CUBN: variants seen among roughly 807,000 people sequenced by gnomAD.
CUBN encodes cubilin, also known as 460 kDa receptor.
In CUBN, 282 loss-of-function variants were observed where a neutral mutation model predicts 405.3. That is an observed-to-expected ratio of 0.70 (90% confidence interval 0.63 to 0.77). The LOEUF (loss-of-function observed/expected upper bound fraction) is 0.77. Ranked by LOEUF, CUBN falls within the 30% of genes least tolerant of loss-of-function variation. CUBN has a pLI of 0.00. For missense variants in CUBN, 4,514 were observed against 4,475.2 expected, an observed-to-expected ratio of 1.01 and a Z score of -0.25; for synonymous variants, 1,684 against 1,617.0, an observed-to-expected ratio of 1.04 and a Z score of -0.99.
At position 17,114,155 on chromosome 10, in the gene CUBN, A is replaced by C; in HGVS notation, c.755T>G (p.Met252Arg). ...KYSCVCDAGW[M>R]FSPNSPACTL... The stretch of plus-strand genomic sequence containing the variant: ...GCAGGCAGGGCTGTTGGGTGAAAAC[A>C]TCCACCCAGCATCACAGACGCAGCT... The change falls in exon 8 of 67, where the codon ATG becomes AGG. Residue 252 changes from methionine to arginine, a missense_variant. Physicochemically the swap from Met to Arg is moderately conservative, Grantham distance 91. Transcript: ENST00000377833. 2 of 1,613,764 alleles carry C rather than the reference A, an allele frequency of 1.2e-6. No individual in the cohort carries two copies. Among genetic ancestry groups the C allele is most frequent in the Non-Finnish European group, 8.5e-7 (1 of 1,179,854 alleles).
chr10:17,105,522 G>C lies in CUBN; in HGVS notation c.1165C>G (p.Pro389Ala), dbSNP rs1801224. The change falls in exon 11 of 67, where the codon CCA becomes GCA. Residue 389 changes from proline (P) to alanine (A), a missense_variant. This residue lies in a region of CUBN where 1,448 missense variants were observed against 1,388.0 expected (regional missense o/e 1.04). Transcript: ENST00000377833. The part of the protein sequence containing the change: ...LPGYTGNGYG[P>A]NGCVQLSNIC... ...TTACTGAGCTGCACACATCCATTTGGCCCATAACCATTTCCAGTATAACCC... is the reference window on the plus strand; with the variant it reads ...TTACTGAGCTGCACACATCCATTTGCCCCATAACCATTTCCAGTATAACCC... The C allele has an allele frequency of 5.0e-6, 8 of 1,611,178 alleles. No individual in the cohort carries two copies. The highest frequency in any genetic ancestry group is 5.9e-6 in the Non-Finnish European group (7 of 1,177,570).
At chr10:16,828,776 T>C (rs768934438) in intron 66 of CUBN, 29 bp downstream of exon 66, 1 of 1,492,442 alleles carries the variant, frequency 6.7e-7, no homozygotes, top group Non-Finnish European at 9.3e-7. Flanking sequence ...AAATAACAAA[T>C]GGGAATATAA....
At chr10:16,922,211 G>C (rs755810043) in intron 43 of CUBN, among the ~76,000 whole-genome samples, 41 of 152,206 alleles carry the variant, frequency 2.7e-4, no homozygotes, top group Non-Finnish European at 3.7e-4. Flanking sequence ...ATAAATGTCT[G>C]TGGGAAGAAT....
At position 17,045,282 on chromosome 10, in the gene CUBN, C is replaced by G. The variant is rs1835104363; in HGVS notation, c.3491-94G>C. ...ATTAAACTGGTGCCATTCTACTATC[C>G]TTTAAATCAAATTGCACAGCAAAAT... On this transcript the variant is annotated intron_variant, in intron 24 of 66. Transcript: ENST00000377833. 3 of 1,204,616 alleles carry G rather than the reference C, an allele frequency of 2.5e-6. No individual in the cohort carries two copies. The African/African-American group carries it at 4.5e-5, about 18-fold the overall frequency. The allele number at this position is 1,204,616 out of a possible 1,614,324, so 74.6% of individuals were successfully genotyped here.
chr10:17,016,350 T>C (rs997321215), intron 28 of CUBN, among the ~76,000 whole-genome samples: 2 of 152,046 alleles, frequency 1.3e-5, no homozygotes, highest in Non-Finnish European at 2.9e-5. Flanking sequence ...GGGAAGGCTT[T>C]TTGACCAGTA....
intron 22 of CUBN, among the ~76,000 whole-genome samples, chr10:17,060,607 A>C (rs956949025): frequency 1.3e-5 from 2 of 152,242 alleles, no homozygotes; most frequent in African/African-American, 4.8e-5. Flanking sequence ...ATGAGAAAAC[A>C]CTAGCCAGTA....
chr10:16,851,431 C>T lies in CUBN; in HGVS notation c.9467G>A (p.Gly3156Glu). 1 of 1,614,128 alleles carries T rather than the reference C, an allele frequency of 6.2e-7. No homozygotes were observed. The highest frequency in any genetic ancestry group is 8.5e-7 in the Non-Finnish European group (1 of 1,180,004). Residue 3156 changes from glycine (G) to glutamate (E), a missense_variant, in exon 60 of 67, where the codon GGA (glycine) becomes GAA (glutamate). Coordinates refer to ENST00000377833, the MANE Select transcript of CUBN (RefSeq NM_001081.4). ...CGAGCCTGTCAGATAACCACCACAT[C>T]CTTGCTGAGGCCCTGCATTAAAACA... is the stretch of plus-strand genomic sequence containing the variant. ...SFRQTLGPQQ[G>E]CGGYLTGSNN... is the part of the protein sequence containing the mutation.
chr10:16,980,454 A>C (rs538887896), intron 31 of CUBN, among the ~76,000 whole-genome samples: 1 of 152,264 alleles, frequency 6.6e-6, no homozygotes, highest in Non-Finnish European at 1.5e-5. Context: ...ATGTGCATCA[A>C]TGATAGGCTG....
At chr10:16,956,728 A>G (rs1169858248) in intron 31 of CUBN, among the ~76,000 whole-genome samples, 2 of 152,200 alleles carry the variant, frequency 1.3e-5, no homozygotes, top group Non-Finnish European at 2.9e-5. Flanking sequence ...GTTACAGAGT[A>G]TGGAGAATAC....
At position 16,828,807 on chromosome 10, in the gene CUBN, C is replaced by A; in HGVS notation, c.10762G>T (p.Gly3588Cys). The change falls in exon 66 of 67, where the codon GGC (glycine) becomes TGC (cysteine). Residue 3588 changes from glycine to cysteine, a missense_variant and splice_region_variant. By Grantham distance (159) the Gly-to-Cys change is radical. Transcript: ENST00000377833. ...SSPSSGPYCG[G>C]DTSIAPFVAS... is the part of the protein sequence containing the mutation. ...TATAAAATGTTTGTTTTACTCACGC[C>A]TCCGCAGTATGGTCCAGAGGATGGA... is the stretch of plus-strand genomic sequence containing the variant. 2 of 1,605,890 alleles carry A rather than the reference C, an allele frequency of 1.2e-6. No individual in the cohort carries two copies. The highest frequency in any genetic ancestry group is 1.7e-6 in the Non-Finnish European group (2 of 1,172,438).
intron 64 of CUBN, among the ~76,000 whole-genome samples, chr10:16,831,877 T>G (rs1839011638): frequency 6.6e-6 from 1 of 152,172 alleles, no homozygotes. Context: ...TGTTTCCCAT[T>G]GAAAATTACT....
intron 62 of CUBN, 33 bp from the exon 63 acceptor site, chr10:16,836,415 T>C (rs1175105542): frequency 1.9e-6 from 3 of 1,605,600 alleles, no homozygotes; most frequent in Non-Finnish European, 2.6e-6. Context: ...TCATGTTAGA[T>C]TTAGTCTTAG....
rs141493439 is a variant in CUBN, at chr10:16,888,739, G to A, written c.8756-173C>T. On this transcript the variant is annotated intron_variant, in intron 55 of 66. Coordinates refer to ENST00000377833, the MANE Select transcript of CUBN (RefSeq NM_001081.4). ...AGCTCTGATTTAAAAACATACATATGTGCTTAATAAGAATATTATACATTT... is the reference window on the plus strand; with the variant it reads ...AGCTCTGATTTAAAAACATACATATATGCTTAATAAGAATATTATACATTT... Among the ~76,000 whole-genome samples the A allele has an allele frequency of 7.2e-3, 1,091 of 152,278 alleles. 7 individuals carry two copies. Among genetic ancestry groups the A allele is most frequent in the South Asian group, 0.013 (61 of 4,826 alleles).
At chr10:17,124,962 G>A (rs140140286) in intron 4 of CUBN, among the ~76,000 whole-genome samples, 30 of 152,118 alleles carry the variant, frequency 2.0e-4, no homozygotes, top group African/African-American at 7.0e-4. Flanking sequence ...CTCCTCAGTA[G>A]CTGGGACTAC....
rs886046860 is a variant in CUBN, at chr10:16,824,798, G to C, written c.*177C>G. The C allele has an allele frequency of 3.3e-6, 2 of 614,634 alleles. No individual in the cohort carries two copies. The highest frequency in any genetic ancestry group is 6.0e-6 in the Non-Finnish European group (2 of 331,210). 38.1% of individuals were successfully genotyped at this position (614,634 alleles called of 1,614,324 possible). A position where few individuals can be genotyped will look rare whatever the true frequency, so the allele number is the denominator to read the frequency against. ...GCCTCCCAAAGTGCTGAGAATACAG[G>C]GGGGTGAGCCACCACGCCTGGCCTA... is the stretch of plus-strand genomic sequence containing the variant. On this transcript the variant is annotated 3_prime_UTR_variant, in exon 67 of 67. Coordinates refer to ENST00000377833, the MANE Select transcript of CUBN (RefSeq NM_001081.4).
intron 28 of CUBN, among the ~76,000 whole-genome samples, chr10:17,011,627 GC>G (rs1834189987): frequency 6.6e-6 from 1 of 152,168 alleles, no homozygotes; most frequent in African/African-American, 2.4e-5. Flanking sequence ...CGGGTGGCCA[GC>G]TTTTATTCCC....
chr10:17,051,943 G>A (rs1435093699), intron 22 of CUBN, among the ~76,000 whole-genome samples: 1 of 152,076 alleles, frequency 6.6e-6, no homozygotes, highest in Non-Finnish European at 1.5e-5. Flanking sequence ...AGATATAGGA[G>A]TTCAGTCAAT....
chr10:17,079,438 C>A (rs1272947099), intron 17 of CUBN, among the ~76,000 whole-genome samples: 10 of 151,540 alleles, frequency 6.6e-5, no homozygotes, highest in East Asian at 2.0e-4. Context: ...GGTTTCACAC[C>A]ACGTTGGCCA....
chr10:16,942,853 G>A (rs1196880296), intron 36 of CUBN, among the ~76,000 whole-genome samples: 6 of 131,866 alleles, frequency 4.6e-5, no homozygotes, highest in Non-Finnish European at 7.8e-5. Context: ...GAAGGGGAAG[G>A]GGAAGGGAAA....
Sources: gnomAD v4.1 joint callset for allele counts (sites outside exome capture counted in the v4.1 genomes callset) on GRCh38, gnomAD v4.1.1 for gene constraint, gnomAD v4.1.1 regional missense constraint, MANE v1.5 for transcripts, NCBI Gene and HGNC (gene_info 2026-07-23, HGNC 2026-07-21) for gene names.